The following TRRAP variants were observed in gnomAD, a reference collection of about 807,000 sequenced individuals.
The protein encoded by TRRAP is transformation/transcription domain associated protein.
TRRAP carries 41 observed loss-of-function variants against 438.8 expected under a neutral mutation model. That is an observed-to-expected ratio of 0.09 (90% CI 0.07 to 0.12). TRRAP has a LOEUF of 0.12. Among genes scored for constraint, TRRAP ranks in the 10% least tolerant of loss-of-function variants. The pLI, the probability that TRRAP is intolerant of heterozygous loss-of-function variation, is 1.00. For missense variants in TRRAP, 3,122 were observed against 5,055.1 expected, an observed-to-expected ratio of 0.62 and a Z score of 11.60; for synonymous variants, 1,994 against 1,962.9, an observed-to-expected ratio of 1.02 and a Z score of -0.42.
Position 98,933,241 on chromosome 7 carries a change from G to A in TRRAP, c.3853G>A (p.Val1285Ile), listed in dbSNP as rs781793083. 6.8e-6 allele frequency: 11 copies of A among 1,611,086 alleles called. No homozygotes were observed. In the African/African-American group the frequency reaches 9.4e-5, roughly 14 times the overall value. Residue 1285 changes from valine to isoleucine, a missense_variant and splice_region_variant, in exon 27 of 73, where the codon GTC becomes ATC. Physicochemically the swap from Val to Ile is conservative, Grantham distance 29 (BLOSUM62 3). Transcript: ENST00000456197. ...VTVIMEPHKE[V>I]LQDMVPPKKH... Reference sequence around the variant, plus strand: ...GGTGCCTCCTCCTTGGCTTCCCCAGGTCCTGCAGGATATGGTCCCCCCTAA... The same window carrying A: ...GGTGCCTCCTCCTTGGCTTCCCCAGATCCTGCAGGATATGGTCCCCCCTAA...
chr7:99,009,832 T>C lies in TRRAP; in HGVS notation c.10939-1220T>C, dbSNP rs562764312. 4.6e-5 allele frequency among the ~76,000 whole-genome samples: 7 copies of C among 151,780 alleles called. 1 individual carries two copies. In the South Asian group the frequency reaches 1.5e-3, roughly 32 times the overall value. ...CAGAGGAATCCAGCTTCAGAGCCGC[T>C]TCCTCCTCTTGTTTATTTTGTTATT... On this transcript the variant is annotated intron_variant, in intron 70 of 72. Transcript: ENST00000456197.
chr7:98,955,996 A>T, intron 41 of TRRAP, 150 bp from the exon 42 acceptor site: 1 of 994,040 alleles, frequency 1.0e-6, no homozygotes, highest in South Asian at 1.7e-5. Flanking sequence ...TCAGGTTAGG[A>T]TTCAGAATTC....
chr7:98,998,813 T>A, intron 67 of TRRAP: 1 of 267,578 alleles, frequency 3.7e-6, no homozygotes, highest in Non-Finnish European at 7.4e-6. Context: ...TTACCTTACC[T>A]CTGTTACAGA....
At chr7:98,964,824 G>C (rs773771136) in intron 48 of TRRAP, 49 bp downstream of exon 48, 3 of 1,568,382 alleles carry the variant, frequency 1.9e-6, no homozygotes, top group Non-Finnish European at 2.6e-6. Context: ...GTTGAACAGA[G>C]AACAGACTCT....
intron 53 of TRRAP, 186 bp from the exon 54 acceptor site, chr7:98,975,963 A>G: frequency 2.7e-6 from 2 of 740,644 alleles, no homozygotes. Context: ...TAAGTGCACC[A>G]TGGCTTCCCA....
intron 58 of TRRAP, among the ~76,000 whole-genome samples, chr7:98,980,736 A>G (rs1427739961): frequency 1.3e-5 from 2 of 152,374 alleles, no homozygotes; most frequent in Admixed American, 6.5e-5. Flanking sequence ...CAGGATAACA[A>G]TATGAATTGG....
chr7:98,897,615 T>C, intron 7 of TRRAP, 126 bp from the exon 8 acceptor site: 2 of 1,269,740 alleles, frequency 1.6e-6, no homozygotes, highest in Non-Finnish European at 2.1e-6. Context: ...AGCATAAAAA[T>C]GTAGAACATA....
chr7:98,887,792 T>A (rs191069117), intron 3 of TRRAP, among the ~76,000 whole-genome samples: 15 of 151,918 alleles, frequency 9.9e-5, no homozygotes, highest in African/African-American at 3.4e-4. Context: ...GCTTTCTGAT[T>A]TTTGACTGTT....
At chr7:98,969,994 C>G in intron 51 of TRRAP, 118 bp from the exon 52 acceptor site, 1 of 1,243,548 alleles carries the variant, frequency 8.0e-7, no homozygotes, top group East Asian at 2.4e-5. Flanking sequence ...GTGCTGAGCT[C>G]ATACTTGGAC....
At chr7:98,930,885 C>G in intron 25 of TRRAP, 55 bp downstream of exon 25, 4 of 1,602,834 alleles carry the variant, frequency 2.5e-6, no homozygotes. Context: ...TGGTGGTTTC[C>G]TGAAGAATAC....
intron 6 of TRRAP, among the ~76,000 whole-genome samples, chr7:98,894,952 T>G (rs912653112): frequency 6.6e-6 from 1 of 152,112 alleles, no homozygotes; most frequent in African/African-American, 2.4e-5. Flanking sequence ...TTCCTTTTTC[T>G]CACGTTAATG....
intron 65 of TRRAP, among the ~76,000 whole-genome samples, chr7:98,992,810 C>A (rs1173154348): frequency 6.6e-6 from 1 of 152,120 alleles, no homozygotes; most frequent in Non-Finnish European, 1.5e-5. Flanking sequence ...AATGCTGAGT[C>A]TCCTAAGGGC....
chr7:98,970,531 G>A (rs1308470911), intron 52 of TRRAP, among the ~76,000 whole-genome samples: 1 of 152,198 alleles, frequency 6.6e-6, no homozygotes, highest in Non-Finnish European at 1.5e-5. Context: ...ATTTGTTTTG[G>A]GCATGAACAA....
intron 19 of TRRAP, among the ~76,000 whole-genome samples, chr7:98,916,453 GA>G (rs1554409568): frequency 6.6e-6 from 1 of 152,170 alleles, no homozygotes; most frequent in East Asian, 1.9e-4. Context: ...ACTGTCCCAG[GA>G]ATTCATTACA....
chr7:98,942,078 T>C (rs1403619488), intron 30 of TRRAP, among the ~76,000 whole-genome samples: 3 of 152,210 alleles, frequency 2.0e-5, no homozygotes, highest in Non-Finnish European at 4.4e-5. Flanking sequence ...GGTTTTAGCT[T>C]TAAGGCCCGG....
At chr7:98,960,461 G>A (rs1394271235) in intron 45 of TRRAP, among the ~76,000 whole-genome samples, 2 of 152,114 alleles carry the variant, frequency 1.3e-5, no homozygotes, top group Non-Finnish European at 2.9e-5. Context: ...TATGAACCAC[G>A]AACTCTGTCT....
chr7:98,978,067 C>A, intron 56 of TRRAP, 144 bp from the exon 57 acceptor site: 1 of 707,436 alleles, frequency 1.4e-6, no homozygotes, highest in Non-Finnish European at 2.3e-6. Flanking sequence ...GTCCCTTGAG[C>A]CTAGGAATTA....
chr7:98,968,644 A>G (rs1414942086), intron 51 of TRRAP, among the ~76,000 whole-genome samples: 2 of 152,274 alleles, frequency 1.3e-5, no homozygotes, highest in African/African-American at 2.4e-5. Flanking sequence ...GGAGTGAATG[A>G]AACCAGGTCA....
chr7:98,897,437 A>G (rs1796267349), intron 7 of TRRAP, among the ~76,000 whole-genome samples: 1 of 152,148 alleles, frequency 6.6e-6, no homozygotes, highest in Non-Finnish European at 1.5e-5. Flanking sequence ...AGAGTAGAAA[A>G]TACTTTTAGG....
Sources: gnomAD v4.1 joint callset for allele counts (sites outside exome capture counted in the v4.1 genomes callset) on GRCh38, gnomAD v4.1.1 for gene constraint, MANE v1.5 for transcripts, NCBI Gene and HGNC (gene_info 2026-07-23, HGNC 2026-07-21) for gene names.